B3GLCT: variants seen among roughly 807,000 people sequenced by gnomAD.
B3GLCT encodes the protein beta-1,3-glucosyltransferase.
A neutral mutation model predicts 63.4 loss-of-function variants in B3GLCT; 65 were observed. That is an observed-to-expected ratio of 1.03 (90% CI 0.84 to 1.26). B3GLCT has a LOEUF of 1.26. B3GLCT is among the 50% of genes most tolerant of loss of function. The probability of loss-of-function intolerance (pLI) is 0.00; values close to 1 mark genes in which losing one functional copy is unlikely to be tolerated. For synonymous variants in B3GLCT, 233 were observed against 219.2 expected (o/e 1.06, Z -0.55); for missense variants, 577 against 604.8 (o/e 0.95, Z 0.48).
At position 31,329,697 on chromosome 13, in the gene B3GLCT, G is replaced by A. The variant is rs1060709; in HGVS notation, c.*29G>A. The A allele has an allele frequency of 1.1e-5, 17 of 1,612,194 alleles. No individual in the cohort carries two copies. The South Asian group carries it at 1.3e-4, about 13-fold the overall frequency. On this transcript the variant is annotated 3_prime_UTR_variant, in exon 15 of 15. Coordinates refer to ENST00000343307, the MANE Select transcript of B3GLCT (RefSeq NM_194318.4). ...AGGGTGACCTGTGCGCCTAGCCTGC[G>A]CAGGGAATGAACTGGAGACTGTGGC...
At chr13:31,271,471 C>G (rs1249619365) in intron 8 of B3GLCT, among the ~76,000 whole-genome samples, 1 of 152,092 alleles carries the variant, frequency 6.6e-6, no homozygotes, top group Non-Finnish European at 1.5e-5. Flanking sequence ...AAGAGTTACT[C>G]CAAGGCAGAA....
intron 6 of B3GLCT, among the ~76,000 whole-genome samples, chr13:31,254,843 A>C (rs1871643853): frequency 6.6e-6 from 1 of 152,016 alleles, no homozygotes. Flanking sequence ...CAAGGTCAGG[A>C]GTTTGAGACC....
rs561826238 is a variant in B3GLCT at position 31,237,585 on chromosome 13, C to T, written c.270+8291C>T. Among the ~76,000 whole-genome samples the T allele has an allele frequency of 5.9e-5, 9 of 152,198 alleles. No homozygotes were observed. The South Asian group carries it at 1.9e-3, about 32-fold the overall frequency. On this transcript the variant is annotated intron_variant, in intron 4 of 14. Transcript: ENST00000343307. ...GGCCAGGCTTCTCTCGAACTCCTGA[C>T]CTCAGGTGACCCACCCGCCTTGGCC...
At chr13:31,250,412 G>C (rs1023991709) in intron 6 of B3GLCT, among the ~76,000 whole-genome samples, 1 of 152,198 alleles carries the variant, frequency 6.6e-6, no homozygotes, top group African/African-American at 2.4e-5. Flanking sequence ...GGTCTCAAGT[G>C]ATCTGCCTGC....
At chr13:31,316,316 C>G (rs1228198410) in intron 12 of B3GLCT, among the ~76,000 whole-genome samples, 1 of 149,876 alleles carries the variant, frequency 6.7e-6, no homozygotes, top group African/African-American at 2.5e-5. Context: ...CCTGCAGAGC[C>G]ACAGGGGTGG....
At chr13:31,234,007 C>T (rs58764365) in intron 4 of B3GLCT, among the ~76,000 whole-genome samples, 7 of 147,304 alleles carry the variant, frequency 4.8e-5, no homozygotes, top group East Asian at 2.0e-4. Flanking sequence ...GGCAGTTTTT[C>T]TTTTTTTTTT....
rs1868536593 is a variant in B3GLCT at position 31,199,976 on chromosome 13, G to A, written c.-109G>A. On this transcript the variant is annotated 5_prime_UTR_variant, in exon 1 of 15. Coordinates refer to ENST00000343307, the MANE Select transcript of B3GLCT (RefSeq NM_194318.4). ...GACGGAGGGAGGAGGGGAGCCGGCAGAGAAGGGTCAGCCGCGGCGGCAGGG... is the reference window on the plus strand; with the variant it reads ...GACGGAGGGAGGAGGGGAGCCGGCAAAGAAGGGTCAGCCGCGGCGGCAGGG... The A allele has an allele frequency of 3.3e-6, 2 of 611,642 alleles. No individual in the cohort carries two copies. The highest frequency in any genetic ancestry group is 1.0e-4 in the Admixed American group (2 of 20,070). The allele number at this position is 611,642 out of a possible 1,614,324, so 37.9% of individuals were successfully genotyped here.
intron 6 of B3GLCT, among the ~76,000 whole-genome samples, chr13:31,256,146 C>T (rs1871727948): frequency 6.6e-6 from 1 of 152,026 alleles, no homozygotes; most frequent in Admixed American, 6.6e-5. Context: ...AGACAATTCT[C>T]AAGACATTTA....
At chr13:31,328,508 A>T (rs904527744) in intron 14 of B3GLCT, among the ~76,000 whole-genome samples, 1 of 151,948 alleles carries the variant, frequency 6.6e-6, no homozygotes, top group African/African-American at 2.4e-5. Context: ...AGGCTGGCTA[A>T]CATGGTGAAA....
intron 10 of B3GLCT, among the ~76,000 whole-genome samples, chr13:31,277,809 A>G (rs1165284630): frequency 2.6e-5 from 4 of 152,200 alleles, no homozygotes; most frequent in African/African-American, 9.6e-5. Context: ...ATAAACCTTC[A>G]TATTTGCCTA....
intron 12 of B3GLCT, among the ~76,000 whole-genome samples, chr13:31,296,247 G>A (rs1456529180): frequency 1.3e-5 from 2 of 152,224 alleles, no homozygotes; most frequent in Admixed American, 6.5e-5. Flanking sequence ...GACCGGAGCT[G>A]TTCCTATTTG....
rs149552147 is a variant in B3GLCT at position 31,324,861 on chromosome 13, T to C, written c.1329+966T>C. 2.1e-3 allele frequency among the ~76,000 whole-genome samples: 322 copies of C among 152,250 alleles called. 1 individual carries two copies. The highest frequency in any genetic ancestry group is 7.2e-3 in the African/African-American group (299 of 41,544). ...CTGGGACTACAGGCGCACACCGCCATGCCTGGCTAATTTTTAAAGTTTTTT... is the reference window on the plus strand; with the variant it reads ...CTGGGACTACAGGCGCACACCGCCACGCCTGGCTAATTTTTAAAGTTTTTT... On this transcript the variant is annotated intron_variant, in intron 14 of 14. Coordinates refer to ENST00000343307, the MANE Select transcript of B3GLCT (RefSeq NM_194318.4).
rs183322816 is a variant in B3GLCT, at chr13:31,247,015, T to C, written c.271-8T>C. On this transcript the variant is annotated splice_region_variant and splice_polypyrimidine_tract_variant and intron_variant, in intron 4 of 14. Transcript: ENST00000343307. The stretch of plus-strand genomic sequence containing the variant: ...CATACTTATCTTCTTTGATCATTGT[T>C]TTCTCAGGAGCTCCCCAGTGTCCTC... The C allele has an allele frequency of 3.3e-3, 5,375 of 1,607,386 alleles. 18 individuals are homozygous for C. Among genetic ancestry groups the C allele is most frequent in the Non-Finnish European group, 4.2e-3 (4,966 of 1,174,266 alleles).
At chr13:31,246,363 TTATG>T (rs1871194725) in intron 4 of B3GLCT, among the ~76,000 whole-genome samples, 2 of 152,180 alleles carry the variant, frequency 1.3e-5, no homozygotes, top group African/African-American at 4.8e-5. Context: ...TATACATAAT[TTATG>T]TAAGCACAGT....
intron 12 of B3GLCT, among the ~76,000 whole-genome samples, chr13:31,297,675 C>G (rs1459101036): frequency 1.3e-5 from 2 of 152,020 alleles, no homozygotes; most frequent in African/African-American, 4.8e-5. Flanking sequence ...GGGCTCAGTC[C>G]CCAAGACTGC....
chr13:31,267,630 TGGTGCTACCTGCTACCAA>T (rs929993007), intron 7 of B3GLCT, among the ~76,000 whole-genome samples: 1 of 152,238 alleles, frequency 6.6e-6, no homozygotes. Context: ...GGGCTTCTTT[TGGTGCTACCTGCTACCAA>T]GCTGTGTTAG....
At chr13:31,256,748 A>G (rs915497543) in intron 6 of B3GLCT, among the ~76,000 whole-genome samples, 1 of 152,174 alleles carries the variant, frequency 6.6e-6, no homozygotes, top group African/African-American at 2.4e-5. Flanking sequence ...CAGGGAGGGG[A>G]ACATCACACA....
intron 4 of B3GLCT, among the ~76,000 whole-genome samples, chr13:31,230,477 A>G (rs1187134019): frequency 6.6e-6 from 1 of 152,226 alleles, no homozygotes; most frequent in Non-Finnish European, 1.5e-5. Context: ...ATGTCAGTGG[A>G]AACATAAACA....
At chr13:31,313,901 T>A (rs1422625363) in intron 12 of B3GLCT, among the ~76,000 whole-genome samples, 1 of 152,144 alleles carries the variant, frequency 6.6e-6, no homozygotes, top group African/African-American at 2.4e-5. Flanking sequence ...GTCCCCATGC[T>A]GTGTGCAGTC....
Sources: allele counts gnomAD v4.1 joint callset (sites outside exome capture counted in the v4.1 genomes callset), GRCh38; gene constraint gnomAD v4.1.1; transcripts MANE v1.5; gene names NCBI Gene and HGNC (gene_info 2026-07-23, HGNC 2026-07-21).